RRAGC: variants seen among roughly 807,000 people sequenced by gnomAD.
RRAGC encodes the protein Ras related GTP binding C.
In RRAGC, 8 loss-of-function variants were observed where a neutral mutation model predicts 37.1. The observed-to-expected ratio is 0.22, with a 90% confidence interval of 0.13 to 0.39. The LOEUF is 0.39. RRAGC is among the 10% of genes least tolerant of loss of function. RRAGC has a pLI of 1.00. For synonymous variants in RRAGC, 190 were observed against 181.1 expected (o/e 1.05, Z -0.39); for missense variants, 342 against 497.6 (o/e 0.69, Z 2.98).
In RRAGC at chr1:38,859,703, C is replaced by T. The variant is rs960747213; in HGVS notation, c.-57G>A. On this transcript the variant is annotated 5_prime_UTR_variant, in exon 1 of 7. Coordinates refer to ENST00000373001, the MANE Select transcript of RRAGC (RefSeq NM_022157.4). Reference sequence around the variant, plus strand: ...CAGGCCAGGCCAGGCCGAGCCAGGCCGCCGCCTCCCCAGTCCGCCTCCGCC... The same window carrying T: ...CAGGCCAGGCCAGGCCGAGCCAGGCTGCCGCCTCCCCAGTCCGCCTCCGCC... 180 of 1,350,426 alleles carry T rather than the reference C, an allele frequency of 1.3e-4. No homozygotes were observed. The highest frequency in any genetic ancestry group is 1.7e-4 in the Non-Finnish European group (175 of 1,047,832). 83.7% of individuals were successfully genotyped at this position (1,350,426 alleles called of 1,614,324 possible).
intron 3 of RRAGC, among the ~76,000 whole-genome samples, chr1:38,853,339 A>T (rs1000357057): frequency 1.3e-5 from 2 of 152,208 alleles, no homozygotes; most frequent in African/African-American, 4.8e-5. Flanking sequence ...AACACTGTCA[A>T]CAATTCTATC....
chr1:38,845,575 G>A (rs918578815), intron 6 of RRAGC, among the ~76,000 whole-genome samples: 1 of 152,166 alleles, frequency 6.6e-6, no homozygotes, highest in Non-Finnish European at 1.5e-5. Flanking sequence ...ATATACCTAT[G>A]TAGCAAACCC....
chr1:38,857,022 A>G lies in RRAGC; in HGVS notation c.298T>C (p.Tyr100His). Residue 100 changes from tyrosine to histidine, a missense_variant, in exon 2 of 7, where the codon TAT becomes CAT. Around this residue, in one of 3 missense-constraint regions of RRAGC, gnomAD observed 134 missense variants for 277.2 expected, o/e 0.48. Coordinates refer to ENST00000373001, the MANE Select transcript of RRAGC (RefSeq NM_022157.4). ...GAGCTATTGGAAATGTCATCCTTAT[A>G]AATCTTGTTGGTACTTTCCAAAAAG... ...TLFLESTNKI[Y>H]KDDISNSSFV... 6.2e-7 allele frequency: 1 copy of G among 1,614,074 alleles called. No individual in the cohort carries two copies. Among genetic ancestry groups the G allele is most frequent in the Non-Finnish European group, 8.5e-7 (1 of 1,179,948 alleles).
chr1:38,842,188 C>T (rs1641972449), intron 6 of RRAGC, among the ~76,000 whole-genome samples: 1 of 152,186 alleles, frequency 6.6e-6, no homozygotes, highest in Non-Finnish European at 1.5e-5. Flanking sequence ...AGGAGAATGG[C>T]ATGAACCCGG....
In RRAGC at chr1:38,845,419, T is replaced by C. The variant is rs372525513; in HGVS notation, c.1048+520A>G. ...ATGTTCTCACTCATAAGTAGGGAGC[T>C]GAACAATGAGAACACATGGACACAG... is the stretch of plus-strand genomic sequence containing the variant. On this transcript the variant is annotated intron_variant, in intron 6 of 6. Transcript: ENST00000373001. Among the ~76,000 whole-genome samples, 187 of 152,084 alleles carry C rather than the reference T, an allele frequency of 1.2e-3. 4 individuals carry two copies. In the South Asian group the frequency reaches 0.037, roughly 30 times the overall value.
intron 3 of RRAGC, among the ~76,000 whole-genome samples, chr1:38,853,175 T>G (rs1048070929): frequency 2.0e-5 from 3 of 152,306 alleles, no homozygotes; most frequent in Middle Eastern, 3.4e-3. Flanking sequence ...TTACAATTTA[T>G]GTAAAGAGCA....
Position 38,851,632 on chromosome 1 carries a change from A to C in RRAGC, c.882T>G (p.Asp294Glu). Residue 294 changes from aspartate (D) to glutamate (E), a missense_variant, in exon 5 of 7, where the codon GAT becomes GAG. Physicochemically the swap from Asp to Glu is conservative, Grantham distance 45. This residue lies in a region of RRAGC where 104 missense variants were observed against 127.0 expected (regional missense o/e 0.82). Coordinates refer to ENST00000373001, the MANE Select transcript of RRAGC (RefSeq NM_022157.4). ...TAACTTACCCATATATACAAGACAC[A>C]TCAATTACAACATCGATCATGTCAC... ...LCCDMIDVVIDVSCIYGLKED... is the reference protein window; with the variant it reads ...LCCDMIDVVIEVSCIYGLKED... The C allele has an allele frequency of 6.4e-7, 1 of 1,561,492 alleles. No homozygotes were observed. The highest frequency in any genetic ancestry group is 8.6e-7 in the Non-Finnish European group (1 of 1,161,176).
intron 5 of RRAGC, among the ~76,000 whole-genome samples, chr1:38,849,226 G>A (rs762781746): frequency 3.3e-5 from 5 of 152,204 alleles, no homozygotes; most frequent in Middle Eastern, 3.4e-3. Flanking sequence ...GCAGTGACCC[G>A]TGGCTGGAGT....
chr1:38,856,381 C>T (rs949840237), intron 2 of RRAGC, among the ~76,000 whole-genome samples: 1 of 152,172 alleles, frequency 6.6e-6, no homozygotes, highest in Non-Finnish European at 1.5e-5. Context: ...AATGCTTAAG[C>T]TTATAAAAAG....
chr1:38,851,071 G>A (rs944220932), intron 5 of RRAGC, among the ~76,000 whole-genome samples: 1 of 152,176 alleles, frequency 6.6e-6, no homozygotes, highest in Non-Finnish European at 1.5e-5. Context: ...AATTTCTATA[G>A]CGAGTTTGGC....
At position 38,839,602 on chromosome 1, in the gene RRAGC, G is replaced by T. The variant is rs1278610984; in HGVS notation, c.1151C>A (p.Ser384Tyr). ...HRSCGHQTSASSLKALTHNGT... is the reference protein window; with the variant it reads ...HRSCGHQTSAYSLKALTHNGT... ...ATTGTGTGTCAGCGCTTTCAGACTGGAGGCACTAGTCTGGTGACCACAGCT... is the reference window on the plus strand; with the variant it reads ...ATTGTGTGTCAGCGCTTTCAGACTGTAGGCACTAGTCTGGTGACCACAGCT... Residue 384 changes from serine (S) to tyrosine (Y), a missense_variant, in exon 7 of 7, where the codon TCC (serine) becomes TAC (tyrosine). Transcript: ENST00000373001. The T allele has an allele frequency of 2.3e-5, 37 of 1,614,080 alleles. No homozygotes were observed. The highest frequency in any genetic ancestry group is 3.1e-5 in the Non-Finnish European group (37 of 1,180,006).
chr1:38,839,715 G>A lies in RRAGC; in HGVS notation c.1049-11C>T, dbSNP rs991467029. The A allele has an allele frequency of 1.7e-5, 27 of 1,610,882 alleles. No individual in the cohort carries two copies. The highest frequency in any genetic ancestry group is 2.1e-5 in the Non-Finnish European group (25 of 1,178,838). ...TGTAGTCTATTAAACCTGCAGGAAG[G>A]AAAAAGAAAAGAATGCCTCCTGAAT... On this transcript the variant is annotated splice_polypyrimidine_tract_variant and intron_variant, in intron 6 of 6. Coordinates refer to ENST00000373001, the MANE Select transcript of RRAGC (RefSeq NM_022157.4).
Position 38,859,458 on chromosome 1 carries a change from C to A in RRAGC, c.189G>T (p.Arg63Ser). 1 of 1,548,376 alleles carries A rather than the reference C, an allele frequency of 6.5e-7. No homozygotes were observed. Among genetic ancestry groups the A allele is most frequent in the Non-Finnish European group, 8.7e-7 (1 of 1,146,670 alleles). ...TGCGCCGGAGTCCCATGAGCAGAAT[C>A]CTCGGCTTGGAGCTGTCAGCGCCCC... is the stretch of plus-strand genomic sequence containing the variant. The part of the protein sequence containing the change: ...GPGGADSSKP[R>S]ILLMGLRRSG... The change falls in exon 1 of 7, where the codon AGG becomes AGT. Residue 63 changes from arginine to serine, a missense_variant. By Grantham distance (110) the Arg-to-Ser change is moderately radical. Around this residue, in one of 3 missense-constraint regions of RRAGC, gnomAD observed 104 missense variants for 93.4 expected, o/e 1.11. Coordinates refer to ENST00000373001, the MANE Select transcript of RRAGC (RefSeq NM_022157.4).
chr1:38,846,940 C>CTAAAAAA (rs1286717674), intron 5 of RRAGC: 6 of 151,836 alleles, frequency 4.0e-5, no homozygotes, highest in Non-Finnish European at 8.8e-5. Flanking sequence ...CCCATCTCTA[C>CTAAAAAA]TAAAAAATAA....
intron 6 of RRAGC, among the ~76,000 whole-genome samples, chr1:38,841,645 T>C (rs1641964023): frequency 6.7e-6 from 1 of 148,710 alleles, no homozygotes. Flanking sequence ...ATTACAGGTG[T>C]GAGCCACCAC....
rs113222535 is a variant in RRAGC, at chr1:38,857,135, T to G, written c.238-53A>C. The G allele has an allele frequency of 1.7e-5, 24 of 1,408,036 alleles. No homozygotes were observed. The Admixed American group carries it at 4.7e-4, about 28-fold the overall frequency. The allele number at this position is 1,408,036 out of a possible 1,614,324, so 87.2% of individuals were successfully genotyped here. On this transcript the variant is annotated intron_variant, in intron 1 of 6. Coordinates refer to ENST00000373001, the MANE Select transcript of RRAGC (RefSeq NM_022157.4). ...GACTATTAAACTTCAGAATTTAAAT[T>G]TAAAATTCCACCCTGGTTTAACATT...
rs1046186700 is a variant in RRAGC at position 38,838,874 on chromosome 1, T to G, written c.*679A>C. The G allele has an allele frequency of 6.6e-6, 1 of 151,118 alleles. No individual in the cohort carries two copies. The highest frequency in any genetic ancestry group is 2.4e-5 in the African/African-American group (1 of 41,286). 9.4% of individuals were successfully genotyped at this position (151,118 alleles called of 1,614,324 possible). On this transcript the variant is annotated 3_prime_UTR_variant, in exon 7 of 7. Transcript: ENST00000373001. ...AAGAAAGAACCCAGACATCTGGTACTCAGAACATAGGTGCAAAAATTTTCT... is the reference window on the plus strand; with the variant it reads ...AAGAAAGAACCCAGACATCTGGTACGCAGAACATAGGTGCAAAAATTTTCT...
At position 38,850,581 on chromosome 1, in the gene RRAGC, T is replaced by C. The variant is rs75547095; in HGVS notation, c.899+1034A>G. ...CATATAATCATAAAAGTTAAAGGAA[T>C]AGACAGATATAGAATAGGTAAGACA... is the stretch of plus-strand genomic sequence containing the variant. On this transcript the variant is annotated intron_variant, in intron 5 of 6. Coordinates refer to ENST00000373001, the MANE Select transcript of RRAGC (RefSeq NM_022157.4). Among the ~76,000 whole-genome samples the C allele has an allele frequency of 1.4e-3, 205 of 151,774 alleles. 1 individual carries two copies. Among genetic ancestry groups the C allele is most frequent in the African/African-American group, 4.8e-3 (198 of 41,294 alleles).
chr1:38,859,394 G>C lies in RRAGC; in HGVS notation c.237+16C>G. The C allele has an allele frequency of 6.5e-7, 1 of 1,545,888 alleles. No individual in the cohort carries two copies. Among genetic ancestry groups the C allele is most frequent in the South Asian group, 1.2e-5 (1 of 83,928 alleles). On this transcript the variant is annotated intron_variant, in intron 1 of 6. Coordinates refer to ENST00000373001, the MANE Select transcript of RRAGC (RefSeq NM_022157.4). ...AACCGGGGAGGGGGCGGGGGACTGG[G>C]CGCAGCCCTGCTCACCTTCTGGATG...
Sources: gnomAD v4.1 joint callset for allele counts (sites outside exome capture counted in the v4.1 genomes callset) on GRCh38, gnomAD v4.1.1 for gene constraint, gnomAD v4.1.1 regional missense constraint, MANE v1.5 for transcripts, NCBI Gene and HGNC (gene_info 2026-07-23, HGNC 2026-07-21) for gene names.